The following SAXO1 variants were observed in gnomAD, a reference collection of about 807,000 sequenced individuals.
SAXO1 encodes the protein stabilizer of axonemal microtubules 1, also known as 4930500O09Rik.
SAXO1 carries 21 observed loss-of-function variants against 17.5 expected under a neutral mutation model. The ratio of observed to expected loss-of-function variants is 1.20; its 90% confidence interval spans 0.85 to 1.72. SAXO1 has a LOEUF of 1.72. Ranked by LOEUF, SAXO1 falls within the 40% of genes most tolerant of loss-of-function variation. The probability of loss-of-function intolerance (pLI) is 0.00; values close to 1 mark genes in which losing one functional copy is unlikely to be tolerated. For missense variants in SAXO1, 843 were observed against 596.0 expected (o/e 1.41, Z -4.32); for synonymous variants, 274 against 216.5 (o/e 1.27, Z -2.33).
At chr9:18,992,891 C>T (rs1245417665) in intron 1 of SAXO1, among the ~76,000 whole-genome samples, 1 of 152,092 alleles carries the variant, frequency 6.6e-6, no homozygotes, top group Non-Finnish European at 1.5e-5. Flanking sequence ...GCCTCTACCT[C>T]CTGGGTTCAA....
At chr9:18,996,717 ACT>A (rs1834018807) in intron 1 of SAXO1, among the ~76,000 whole-genome samples, 2 of 152,234 alleles carry the variant, frequency 1.3e-5, no homozygotes, top group Admixed American at 6.5e-5. Context: ...CGGATGAAAA[ACT>A]CACAGTGAAC....
chr9:18,973,806 T>A lies in SAXO1; in HGVS notation c.39-22869A>T, dbSNP rs112252716. On this transcript the variant is annotated intron_variant, in intron 1 of 3. Transcript: ENST00000380534. The stretch of plus-strand genomic sequence containing the variant: ...CTATTATATCCTGATCACCTGATTA[T>A]CCCACTGTAATATTCACAAGTTAAA... 2.0e-4 allele frequency among the ~76,000 whole-genome samples: 30 copies of A among 152,388 alleles called. 1 individual carries two copies. The highest frequency in any genetic ancestry group is 7.0e-4 in the African/African-American group (29 of 41,586).
At chr9:18,989,402 T>C (rs959311142) in intron 1 of SAXO1, among the ~76,000 whole-genome samples, 1 of 152,212 alleles carries the variant, frequency 6.6e-6, no homozygotes, top group Admixed American at 6.5e-5. Flanking sequence ...ATTTTTTAGG[T>C]ATATTGATGT....
At chr9:18,994,692 G>A (rs1022060888) in intron 1 of SAXO1, among the ~76,000 whole-genome samples, 8 of 152,138 alleles carry the variant, frequency 5.3e-5, no homozygotes, top group African/African-American at 9.7e-5. Context: ...CTCCTCTCCC[G>A]GCCTTAGTTG....
intron 1 of SAXO1, among the ~76,000 whole-genome samples, chr9:19,022,338 T>A (rs1385173217): frequency 6.6e-6 from 1 of 152,082 alleles, no homozygotes; most frequent in East Asian, 1.9e-4. Context: ...ACTGCGAGAG[T>A]CTGCGGCTTC....
intron 1 of SAXO1, among the ~76,000 whole-genome samples, chr9:18,977,885 C>T (rs1174714451): frequency 1.3e-5 from 2 of 150,640 alleles, no homozygotes; most frequent in African/African-American, 4.9e-5. Flanking sequence ...ATGCCAGCTA[C>T]TCGGGAGGGC....
At chr9:19,028,174 C>A in intron 1 of SAXO1, 3 of 1,354,566 alleles carry the variant, frequency 2.2e-6, no homozygotes, top group Admixed American at 1.9e-5. Flanking sequence ...CTGAAGTGCG[C>A]AATAAAAGAT....
At chr9:18,994,207 G>T (rs1833920806) in intron 1 of SAXO1, among the ~76,000 whole-genome samples, 1 of 152,074 alleles carries the variant, frequency 6.6e-6, no homozygotes, top group Non-Finnish European at 1.5e-5. Context: ...CACCAGCAAG[G>T]GTAGCTATGC....
rs187022548 is a variant in SAXO1 at position 18,969,821 on chromosome 9, T to C, written c.39-18884A>G. On this transcript the variant is annotated intron_variant, in intron 1 of 3. Transcript: ENST00000380534. ...AGGGCAGAAATTATTACTTTTGCTATGGCTGCCGCCACCACCAATATCCCA... is the reference window on the plus strand; with the variant it reads ...AGGGCAGAAATTATTACTTTTGCTACGGCTGCCGCCACCACCAATATCCCA... Among the ~76,000 whole-genome samples the C allele has an allele frequency of 3.8e-3, 582 of 152,362 alleles. 2 individuals are homozygous for C. The highest frequency in any genetic ancestry group is 0.013 in the African/African-American group (540 of 41,584).
At chr9:18,963,248 G>A (rs1170867815) in intron 1 of SAXO1, among the ~76,000 whole-genome samples, 1 of 152,098 alleles carries the variant, frequency 6.6e-6, no homozygotes, top group Admixed American at 6.5e-5. Flanking sequence ...CTCCAGCTTT[G>A]TTCTTTTTGC....
intron 3 of SAXO1, among the ~76,000 whole-genome samples, chr9:18,939,530 T>C (rs1831458648): frequency 6.6e-6 from 1 of 152,246 alleles, no homozygotes; most frequent in Non-Finnish European, 1.5e-5. Context: ...ATGTGATCTT[T>C]CAGCTGCTAG....
chr9:18,946,614 A>C (rs1486507063), intron 2 of SAXO1, among the ~76,000 whole-genome samples: 1 of 151,678 alleles, frequency 6.6e-6, no homozygotes, highest in Non-Finnish European at 1.5e-5. Context: ...ACTGTACAAA[A>C]ATCAACCCAA....
chr9:19,002,397 G>T (rs1245929959), intron 1 of SAXO1, among the ~76,000 whole-genome samples: 3 of 152,296 alleles, frequency 2.0e-5, no homozygotes, highest in Admixed American at 2.0e-4. Context: ...CTTTCTATGA[G>T]GCCAGCATCA....
chr9:19,007,714 C>T (rs1226380196), intron 1 of SAXO1, among the ~76,000 whole-genome samples: 6 of 139,392 alleles, frequency 4.3e-5, no homozygotes, highest in Admixed American at 4.1e-4. Flanking sequence ...CTACAGCTTG[C>T]TACCTGTTTT....
chr9:18,941,828 C>T lies in SAXO1; in HGVS notation c.230G>A (p.Gly77Glu), dbSNP rs758873568. 31 of 1,614,094 alleles carry T rather than the reference C, an allele frequency of 1.9e-5. 1 individual carries two copies. The South Asian group carries it at 3.0e-4, about 15-fold the overall frequency. ...EGLTTSRRDF[G>E]PHKVAPVKVH... is the part of the protein sequence containing the mutation. ...CTTCACTGGTGCCACTTTGTGAGGC[C>T]CAAAATCTCTCCTGTAAGGAAGCAA... Residue 77 changes from glycine to glutamate, a missense_variant, in exon 3 of 4, where the codon GGG becomes GAG. Gly to Glu is a moderately conservative substitution (Grantham distance 98). Transcript: ENST00000380534.
chr9:18,992,839 G>A (rs1833863612), intron 1 of SAXO1, among the ~76,000 whole-genome samples: 1 of 151,968 alleles, frequency 6.6e-6, no homozygotes. Flanking sequence ...CATGATCTCA[G>A]CTCACCGCAA....
chr9:19,043,714 G>A (rs1250649621), intron 1 of SAXO1, among the ~76,000 whole-genome samples: 1 of 151,886 alleles, frequency 6.6e-6, no homozygotes, highest in Non-Finnish European at 1.5e-5. Flanking sequence ...GCTGCGGTGA[G>A]CAGTGATCAC....
chr9:18,946,718 A>G (rs1831813662), intron 2 of SAXO1, among the ~76,000 whole-genome samples: 3 of 152,218 alleles, frequency 2.0e-5, no homozygotes, highest in Admixed American at 6.5e-5. Flanking sequence ...TAAGGATTTT[A>G]AAGTAGCTTT....
intron 1 of SAXO1, among the ~76,000 whole-genome samples, chr9:18,972,556 T>A (rs928916329): frequency 7.9e-5 from 12 of 152,176 alleles, no homozygotes; most frequent in African/African-American, 2.7e-4. Context: ...ACAGAAGGTC[T>A]ACAAAAAAAC....
Sources: gnomAD v4.1 joint callset for allele counts (sites outside exome capture counted in the v4.1 genomes callset) on GRCh38, gnomAD v4.1.1 for gene constraint, MANE v1.5 for transcripts, NCBI Gene and HGNC (gene_info 2026-07-23, HGNC 2026-07-21) for gene names.